UNC13C: variants seen among roughly 807,000 people sequenced by gnomAD.
UNC13C encodes protein unc-13 homolog C.
In UNC13C, 174 loss-of-function variants were observed where a neutral mutation model predicts 245.4. The observed-to-expected ratio is 0.71, with a 90% CI of 0.63 to 0.80. UNC13C has a LOEUF of 0.80. UNC13C is among the 30% of genes least tolerant of loss of function. UNC13C has a pLI of 0.00. For synonymous variants in UNC13C, 992 were observed against 895.1 expected (o/e 1.11, Z -1.93); for missense variants, 2,829 against 2,602.9 (o/e 1.09, Z -1.89).
At chr15:53,989,212 A>G (rs1894274371) in intron 1 of UNC13C, among the ~76,000 whole-genome samples, 1 of 151,950 alleles carries the variant, frequency 6.6e-6, no homozygotes, top group African/African-American at 2.4e-5. Context: ...GTGATCAAAT[A>G]TTTCTCATCT....
At chr15:53,925,495 A>T in the UNC13C span, among the ~76,000 whole-genome samples, 1 of 151,786 alleles carries the variant, frequency 6.6e-6, no homozygotes, top group Non-Finnish European at 1.5e-5. Context: ...GTGAGAAAAA[A>T]CTCACTTTAG....
At chr15:54,553,418 A>T (rs1414257643) in intron 28 of UNC13C, among the ~76,000 whole-genome samples, 1 of 129,562 alleles carries the variant, frequency 7.7e-6, no homozygotes, top group Admixed American at 9.4e-5. Flanking sequence ...TGTAATATAT[A>T]ATATTATATA....
chr15:54,388,680 C>T (rs2039888921), intron 17 of UNC13C, among the ~76,000 whole-genome samples: 1 of 152,116 alleles, frequency 6.6e-6, no homozygotes, highest in South Asian at 2.1e-4. Flanking sequence ...GCAGGGGCCT[C>T]TCTCCTTTAC....
chr15:54,450,136 G>T (rs370671711), intron 19 of UNC13C, among the ~76,000 whole-genome samples: 1 of 152,136 alleles, frequency 6.6e-6, no homozygotes, highest in African/African-American at 2.4e-5. Flanking sequence ...TGGAAGTTTC[G>T]TCTCAGAGGG....
At chr15:53,922,843 A>G in the UNC13C span, among the ~76,000 whole-genome samples, 1 of 152,192 alleles carries the variant, frequency 6.6e-6, no homozygotes, top group Non-Finnish European at 1.5e-5. Context: ...TTACCAGAAA[A>G]GTTGGATTGA....
chr15:54,409,427 T>C (rs948860097), intron 18 of UNC13C, among the ~76,000 whole-genome samples: 4 of 152,160 alleles, frequency 2.6e-5, no homozygotes, highest in African/African-American at 7.2e-5. Flanking sequence ...GTTTGTTACA[T>C]GGGTAAATTG....
Position 54,480,525 on chromosome 15 carries a change from A to G in UNC13C, c.4934-14083A>G, listed in dbSNP as rs139613525. ...TTCTCTATTGTTGAAGTTCTCAATT[A>G]TGTTTTTTCATTCATTAAATATTTA... On this transcript the variant is annotated intron_variant, in intron 19 of 32. Coordinates refer to ENST00000260323, the MANE Select transcript of UNC13C (RefSeq NM_001080534.3). Among the ~76,000 whole-genome samples, 541 of 147,286 alleles carry G rather than the reference A, an allele frequency of 3.7e-3. 3 individuals carry two copies. The highest frequency in any genetic ancestry group is 5.8e-3 in the Non-Finnish European group (387 of 67,016).
chr15:53,963,857 G>C, the UNC13C span, among the ~76,000 whole-genome samples: 1 of 152,118 alleles, frequency 6.6e-6, no homozygotes, highest in African/African-American at 2.4e-5. Flanking sequence ...GCTGCACATG[G>C]AAATGGAAAT....
upstream of UNC13C, among the ~76,000 whole-genome samples, chr15:53,976,473 C>CTTTTTTTTTT (rs1164175117): frequency 5.1e-4 from 14 of 27,518 alleles, no homozygotes; most frequent in Admixed American, 1.9e-3. Context: ...CTCTCTCTCT[C>CTTTTTTTTTT]TCTCTTTTTT....
At chr15:54,507,692 A>G (rs1034385406) in intron 23 of UNC13C, among the ~76,000 whole-genome samples, 3 of 152,214 alleles carry the variant, frequency 2.0e-5, no homozygotes, top group East Asian at 3.9e-4. Flanking sequence ...TCAAACTAGT[A>G]TTGCAACTTA....
chr15:54,042,854 GAAAAGA>G (rs141412468), intron 2 of UNC13C, among the ~76,000 whole-genome samples: 95 of 150,638 alleles, frequency 6.3e-4, no homozygotes, highest in African/African-American at 1.7e-3. Flanking sequence ...CTCTGTCTCA[GAAAAGA>G]AAAAGAAAAA....
At chr15:54,159,437 G>A (rs566285341) in intron 4 of UNC13C, among the ~76,000 whole-genome samples, 10 of 152,320 alleles carry the variant, frequency 6.6e-5, no homozygotes, top group African/African-American at 2.2e-4. Flanking sequence ...AGCACTGTTT[G>A]TCCTTTGAGT....
intron 28 of UNC13C, among the ~76,000 whole-genome samples, chr15:54,553,054 A>T (rs1167634829): frequency 1.4e-3 from 54 of 39,756 alleles, no homozygotes; most frequent in African/African-American, 4.5e-3. Context: ...TGTATTCTAT[A>T]TTACAATATA....
chr15:54,341,483 C>T (rs975119239), intron 17 of UNC13C, among the ~76,000 whole-genome samples: 3 of 152,106 alleles, frequency 2.0e-5, no homozygotes, highest in Non-Finnish European at 4.4e-5. Flanking sequence ...TGTTCAGTAC[C>T]TGGGTAAGGG....
At chr15:54,449,812 G>C (rs1447656280) in intron 19 of UNC13C, among the ~76,000 whole-genome samples, 3 of 152,184 alleles carry the variant, frequency 2.0e-5, no homozygotes, top group South Asian at 2.1e-4. Context: ...TCCACTGCTG[G>C]TGAGGAGCTG....
chr15:54,478,425 C>T (rs1228776794), intron 19 of UNC13C, among the ~76,000 whole-genome samples: 1 of 135,154 alleles, frequency 7.4e-6, no homozygotes, highest in Non-Finnish European at 1.6e-5. Flanking sequence ...TTGGATATTT[C>T]CTGCTTTCTC....
intron 1 of UNC13C, among the ~76,000 whole-genome samples, chr15:53,996,249 A>G (rs1310270789): frequency 2.0e-5 from 3 of 152,172 alleles, no homozygotes; most frequent in Non-Finnish European, 4.4e-5. Context: ...TTTTGTTCCA[A>G]TTGTGTGACA....
the UNC13C span, among the ~76,000 whole-genome samples, chr15:53,938,885 C>T: frequency 6.6e-6 from 1 of 151,974 alleles, no homozygotes; most frequent in African/African-American, 2.4e-5. Flanking sequence ...ACTAAATGCC[C>T]ACATCAAAAA....
chr15:54,363,566 T>C (rs903964804), intron 17 of UNC13C, among the ~76,000 whole-genome samples: 2 of 152,314 alleles, frequency 1.3e-5, no homozygotes, highest in African/African-American at 2.4e-5. Flanking sequence ...TGGATTTGGA[T>C]TTGTCCTGGA....
Sources: gnomAD v4.1 joint callset for allele counts (sites outside exome capture counted in the v4.1 genomes callset) on GRCh38, gnomAD v4.1.1 for gene constraint, MANE v1.5 for transcripts, NCBI Gene and HGNC (gene_info 2026-07-23, HGNC 2026-07-21) for gene names.